The following ZNF280D variants were observed in gnomAD, a reference collection of about 807,000 sequenced individuals.
The protein encoded by ZNF280D is zinc finger protein 280D, also known as suppressor of hairy wing homolog 4.
In ZNF280D, 39 loss-of-function variants were observed where a neutral mutation model predicts 94.7. The ratio of observed to expected loss-of-function variants is 0.41; its 90% CI spans 0.32 to 0.54. The LOEUF (loss-of-function observed/expected upper bound fraction) is 0.54. ZNF280D is among the 20% of genes least tolerant of loss of function. The probability of loss-of-function intolerance (pLI) is 0.22; values close to 1 mark genes in which losing one functional copy is unlikely to be tolerated. For missense variants in ZNF280D, 1,090 were observed against 1,149.3 expected, an observed-to-expected ratio of 0.95 and a Z score of 0.75; for synonymous variants, 398 against 377.6, an observed-to-expected ratio of 1.05 and a Z score of -0.63.
chr15:56,718,632 A>G (rs1217050083), intron 1 of ZNF280D, among the ~76,000 whole-genome samples: 1 of 152,156 alleles, frequency 6.6e-6, no homozygotes, highest in Non-Finnish European at 1.5e-5. Flanking sequence ...GGTACAGGGA[A>G]TATCTTCCTC....
intron 1 of ZNF280D, 134 bp from the exon 2 acceptor site, chr15:56,707,440 T>A: frequency 1.5e-6 from 1 of 651,680 alleles, no homozygotes; most frequent in African/African-American, 1.9e-5. Flanking sequence ...TTTTACATAA[T>A]TGGTTCATTC....
In ZNF280D at chr15:56,631,955, T is replaced by C. The variant is rs577800516; in HGVS notation, c.2483A>G (p.Asp828Gly). 7.4e-6 allele frequency: 12 copies of C among 1,614,038 alleles called. No homozygotes were observed. The East Asian group carries it at 2.5e-4, about 33-fold the overall frequency. ...ETGSKNIVSC[D>G]SNIGADKVEK... ...CACTTTATCTGCACCAATATTTGAA[T>C]CACAACTGACGATGTTTTTTGAGCC... is the stretch of plus-strand genomic sequence containing the variant. The change falls in exon 22 of 22, where the codon GAT becomes GGT. Residue 828 changes from aspartate (D) to glycine (G), a missense_variant. Coordinates refer to ENST00000267807, the MANE Select transcript of ZNF280D (RefSeq NM_017661.4).
At chr15:56,692,594 G>C (rs562115649) in intron 7 of ZNF280D, among the ~76,000 whole-genome samples, 1 of 152,170 alleles carries the variant, frequency 6.6e-6, no homozygotes, top group East Asian at 1.9e-4. Context: ...TACATTTCAT[G>C]AGTACTTACT....
intron 1 of ZNF280D, among the ~76,000 whole-genome samples, chr15:56,716,401 G>T (rs2058045157): frequency 6.6e-6 from 1 of 151,762 alleles, no homozygotes; most frequent in Non-Finnish European, 1.5e-5. Context: ...AGGCAAACAG[G>T]AGAAGGAAGG....
At chr15:56,672,320 C>T (rs2054922767) in intron 13 of ZNF280D, among the ~76,000 whole-genome samples, 1 of 152,058 alleles carries the variant, frequency 6.6e-6, no homozygotes, top group South Asian at 2.1e-4. Flanking sequence ...GTGGGTTTGT[C>T]ATATATGGCT....
chr15:56,706,165 T>TTCTC (rs1278247141), intron 3 of ZNF280D, among the ~76,000 whole-genome samples: 1 of 136,024 alleles, frequency 7.4e-6, no homozygotes, highest in African/African-American at 2.8e-5. Context: ...GAAAAGGAGA[T>TTCTC]CACAGGAAGA....
At chr15:56,727,980 A>C (rs2058709688) in intron 1 of ZNF280D, among the ~76,000 whole-genome samples, 1 of 152,204 alleles carries the variant, frequency 6.6e-6, no homozygotes, top group South Asian at 2.1e-4. Flanking sequence ...TGCTCAAAGA[A>C]AATGTGACAG....
chr15:56,695,836 AT>A (rs1442379834), intron 6 of ZNF280D, among the ~76,000 whole-genome samples: 2 of 152,018 alleles, frequency 1.3e-5, no homozygotes, highest in African/African-American at 4.8e-5. Flanking sequence ...CCAAATTAAC[AT>A]TTTTTTAGGA....
At chr15:56,703,562 T>C (rs2057214426) in intron 4 of ZNF280D, among the ~76,000 whole-genome samples, 1 of 152,172 alleles carries the variant, frequency 6.6e-6, no homozygotes, top group Non-Finnish European at 1.5e-5. Flanking sequence ...CAGATAAATA[T>C]GTTACTTAAG....
intron 6 of ZNF280D, chr15:56,699,742 T>G (rs775407893): frequency 9.3e-6 from 2 of 214,714 alleles, no homozygotes; most frequent in Non-Finnish European, 1.6e-5. Flanking sequence ...ACTATCATAC[T>G]TCAGACACAG....
At chr15:56,656,250 C>T (rs542916726) in intron 17 of ZNF280D, among the ~76,000 whole-genome samples, 55 of 152,198 alleles carry the variant, frequency 3.6e-4, no homozygotes, top group Non-Finnish European at 4.6e-4. Context: ...TAAATAGTTA[C>T]GGAATGAATA....
At position 56,704,396 on chromosome 15, in the gene ZNF280D, T is replaced by C. The variant is rs1229484889; in HGVS notation, c.29-129A>G. ...ATAGCAATTTCTGAATTGATATTTG[T>C]AGTCAGTATGTGGTAACAACAGTGA... On this transcript the variant is annotated intron_variant, in intron 3 of 21. Transcript: ENST00000267807. The C allele has an allele frequency of 3.4e-6, 3 of 882,962 alleles. No homozygotes were observed. The East Asian group carries it at 8.2e-5, about 24-fold the overall frequency. 54.7% of individuals were successfully genotyped at this position (882,962 alleles called of 1,614,324 possible).
rs2052514943 is a variant in ZNF280D at position 56,639,372 on chromosome 15, A to G, written c.2259+3580T>C. On this transcript the variant is annotated intron_variant, in intron 20 of 21. Coordinates refer to ENST00000267807, the MANE Select transcript of ZNF280D (RefSeq NM_017661.4). ...AGGAGTTTCTTAAAAAAAGGAGAAC[A>G]CAGAAAATAAAAGTGAGCATTTACC... Among the ~76,000 whole-genome samples the G allele has an allele frequency of 2.6e-5, 4 of 152,056 alleles. No individual in the cohort carries two copies. The South Asian group carries it at 8.3e-4, about 32-fold the overall frequency.
At chr15:56,658,615 T>C (rs1190808155) in intron 16 of ZNF280D, 129 bp from the exon 17 acceptor site, 2 of 586,810 alleles carry the variant, frequency 3.4e-6, no homozygotes, top group Non-Finnish European at 5.8e-6. Flanking sequence ...AATAAAATAA[T>C]GCCTGTCACT....
At chr15:56,675,796 A>C (rs1596462023) in intron 13 of ZNF280D, among the ~76,000 whole-genome samples, 2 of 152,178 alleles carry the variant, frequency 1.3e-5, no homozygotes, top group South Asian at 2.1e-4. Flanking sequence ...TTGGCATGTC[A>C]ATTTAATCAA....
Position 56,682,483 on chromosome 15 carries a change from A to AGT in ZNF280D, c.781-7_781-6insAC. On this transcript the variant is annotated splice_region_variant and splice_polypyrimidine_tract_variant and intron_variant, in intron 9 of 21. Transcript: ENST00000267807. Reference sequence around the variant, plus strand: ...ATCATGTCTGGACAACAATACTGAAAGAGAAAAAAAAAAAAAAAAAACAAG... The same window carrying AGT: ...ATCATGTCTGGACAACAATACTGAAAGTGAGAAAAAAAAAAAAAAAAAACAAG... The AGT allele has an allele frequency of 8.7e-7, 1 of 1,150,564 alleles. No individual in the cohort carries two copies. The highest frequency in any genetic ancestry group is 1.2e-6 in the Non-Finnish European group (1 of 837,904). The allele number at this position is 1,150,564 out of a possible 1,614,324, so 71.3% of individuals were successfully genotyped here. A position where few individuals can be genotyped will look rare whatever the true frequency, so the allele number is the denominator to read the frequency against.
chr15:56,689,642 A>C (rs938530832), intron 7 of ZNF280D, among the ~76,000 whole-genome samples, 172 bp from the exon 8 acceptor site: 1 of 152,156 alleles, frequency 6.6e-6, no homozygotes, highest in Admixed American at 6.5e-5. Context: ...GAAATTGCAC[A>C]TATATTTATC....
chr15:56,661,753 T>G (rs2053957631), intron 16 of ZNF280D, among the ~76,000 whole-genome samples: 2 of 152,194 alleles, frequency 1.3e-5, no homozygotes, highest in African/African-American at 2.4e-5. Flanking sequence ...ATTGTGAAAA[T>G]TACAGTCAGG....
rs778459512 is a variant in ZNF280D at position 56,693,132 on chromosome 15, T to A, written c.465A>T (p.Ser155=). 1.2e-6 allele frequency: 2 copies of A among 1,606,522 alleles called. No individual in the cohort carries two copies. The highest frequency in any genetic ancestry group is 1.7e-6 in the Non-Finnish European group (2 of 1,176,484). Residue 155 remains serine, a synonymous_variant, in exon 7 of 22, where the codon TCA becomes TCT. Transcript: ENST00000267807. ...AAAGTGTTGGTCCCCCTTGGTAATG[T>A]GATAATCCTGTATCCTGGGTCAAGT... ...LFDLTQDTGL[S]HYQGGPTLSM... is the part of the protein sequence containing the mutation.
Sources: gnomAD v4.1 joint callset for allele counts (sites outside exome capture counted in the v4.1 genomes callset) on GRCh38, gnomAD v4.1.1 for gene constraint, MANE v1.5 for transcripts, NCBI Gene and HGNC (gene_info 2026-07-23, HGNC 2026-07-21) for gene names.